Variants in FBLN1 observed in about 807,000 individuals in gnomAD.
The protein encoded by FBLN1 is fibulin 1.
A neutral mutation model predicts 89.7 loss-of-function variants in FBLN1; 34 were observed. The observed-to-expected ratio is 0.38, with a 90% CI of 0.29 to 0.50. FBLN1 has a LOEUF of 0.50. Ranked by LOEUF, FBLN1 falls within the 20% of genes least tolerant of loss-of-function variation. The pLI is 0.92. For synonymous variants in FBLN1, 393 were observed against 391.3 expected, an observed-to-expected ratio of 1.00 and a Z score of -0.05; for missense variants, 777 against 988.1, an observed-to-expected ratio of 0.79 and a Z score of 2.86.
intron 14 of FBLN1, chr22:45,558,064 C>G: frequency 1.4e-6 from 1 of 716,754 alleles, no homozygotes; most frequent in Non-Finnish European, 2.6e-6. Context: ...TTCTCTTCCT[C>G]TGTCAGATGA....
At position 45,547,212 on chromosome 22, in the gene FBLN1, C is replaced by T. The variant is rs534127321; in HGVS notation, c.1441+8C>T. On this transcript the variant is annotated splice_region_variant and intron_variant, in intron 12 of 16. Transcript: ENST00000327858. ...ATGGAGTCACCTGTGAAGGTGCGGACGCCCCTGCCTGCTGAGGGGGAAAGC... is the reference window on the plus strand; with the variant it reads ...ATGGAGTCACCTGTGAAGGTGCGGATGCCCCTGCCTGCTGAGGGGGAAAGC... 1.5e-5 allele frequency: 24 copies of T among 1,613,456 alleles called. No individual in the cohort carries two copies. The highest frequency in any genetic ancestry group is 7.7e-5 in the South Asian group (7 of 91,072).
At chr22:45,506,992 T>C (rs2088030507) in intron 1 of FBLN1, among the ~76,000 whole-genome samples, 1 of 152,222 alleles carries the variant, frequency 6.6e-6, no homozygotes, top group African/African-American at 2.4e-5. Context: ...CCCCATATGG[T>C]TCCAGTTTCC....
intron 16 of FBLN1, among the ~76,000 whole-genome samples, chr22:45,599,064 G>C (rs1361978234): frequency 2.0e-5 from 3 of 152,202 alleles, no homozygotes; most frequent in African/African-American, 7.2e-5. Flanking sequence ...GGGAGGACTT[G>C]TGGCACCCAC....
At position 45,574,693 on chromosome 22, in the gene FBLN1, G is replaced by A. The variant is rs758218944; in HGVS notation, c.1840+40G>A. On this transcript the variant is annotated intron_variant, in intron 15 of 16. Transcript: ENST00000327858. The surrounding 1 kb of genome is among the most constrained non-coding windows in gnomAD (Gnocchi z 4.1). ...TGTGGGGGTCCCAGGGCCCCCTAGG[G>A]CCTCCCTCGGCTTCAGCTGAGGGCT... is the stretch of plus-strand genomic sequence containing the variant. 3 of 1,594,226 alleles carry A rather than the reference G, an allele frequency of 1.9e-6. No individual in the cohort carries two copies. The highest frequency in any genetic ancestry group is 1.7e-6 in the Non-Finnish European group (2 of 1,169,060).
Position 45,532,865 on chromosome 22 carries a change from C to T in FBLN1, c.545-198C>T. 1 of 614,490 alleles carries T rather than the reference C, an allele frequency of 1.6e-6. No homozygotes were observed. The highest frequency in any genetic ancestry group is 2.9e-6 in the Non-Finnish European group (1 of 343,608). 38.1% of individuals were successfully genotyped at this position (614,490 alleles called of 1,614,324 possible). ...CAGACGGGGAGGTTGGGACCTGAAG[C>T]AGCAGCCCCTGGGGGGTGTCCAGAG... On this transcript the variant is annotated intron_variant, in intron 5 of 16. Coordinates refer to ENST00000327858, the MANE Select transcript of FBLN1 (RefSeq NM_006486.3). This position sits in a 1 kb window ranked among gnomAD's most constrained non-coding sequence, Gnocchi z 4.2.
chr22:45,543,377 A>G (rs1249970395), intron 10 of FBLN1, 24 bp from the exon 11 acceptor site: 2 of 1,610,308 alleles, frequency 1.2e-6, no homozygotes, highest in Non-Finnish European at 1.7e-6. Flanking sequence ...CATTGCCCTG[A>G]GTCAGCCCAC....
chr22:45,518,497 G>A (rs890005302), intron 1 of FBLN1, 185 bp from the exon 2 acceptor site: 4 of 650,252 alleles, frequency 6.2e-6, no homozygotes, highest in Non-Finnish European at 8.4e-6. Context: ...GGAGTGGGGT[G>A]TGGACTCGCA....
At chr22:45,528,051 G>A (rs892473234) in intron 4 of FBLN1, 42 bp downstream of exon 4, 2 of 1,604,024 alleles carry the variant, frequency 1.2e-6, no homozygotes, top group African/African-American at 2.7e-5. Flanking sequence ...GTGTATTAAG[G>A]TTCTCCGGGA....
intron 1 of FBLN1, among the ~76,000 whole-genome samples, chr22:45,516,938 T>C (rs1208487831): frequency 6.6e-6 from 1 of 152,228 alleles, no homozygotes; most frequent in Non-Finnish European, 1.5e-5. Context: ...AGCTCATTCG[T>C]GCACTGACCT....
chr22:45,518,442 A>G (rs1157269995), intron 1 of FBLN1: 2 of 579,762 alleles, frequency 3.4e-6, no homozygotes, highest in Admixed American at 2.5e-5. Flanking sequence ...AGCCCTGTCC[A>G]AGCTGGATTC....
At position 45,580,441 on chromosome 22, in the gene FBLN1, G is replaced by A. The variant is rs143685154; in HGVS notation, c.1972+3333G>A. 3.3e-5 allele frequency among the ~76,000 whole-genome samples: 5 copies of A among 152,314 alleles called. No individual in the cohort carries two copies. The highest frequency in any genetic ancestry group is 7.2e-5 in the African/African-American group (3 of 41,578). On this transcript the variant is annotated intron_variant, in intron 16 of 16. Transcript: ENST00000327858. This position sits in a 1 kb window ranked among gnomAD's most constrained non-coding sequence, Gnocchi z 8.6. ...GGGCTTCCTGGAGGAGGTGAGGCCC[G>A]AGCTGAGTGTCCTTGCATGTGAGGG...
At chr22:45,594,677 AG>A (rs1004784179) in intron 16 of FBLN1, among the ~76,000 whole-genome samples, 5 of 148,308 alleles carry the variant, frequency 3.4e-5, no homozygotes, top group Admixed American at 1.3e-4. Flanking sequence ...TGGGTAGGTG[AG>A]TGGATGGATT....
intron 2 of FBLN1, 55 bp downstream of exon 2, chr22:45,518,842 T>C: frequency 6.9e-7 from 1 of 1,448,016 alleles, no homozygotes; most frequent in East Asian, 2.4e-5. Flanking sequence ...TAGAGAAAAG[T>C]GGGGGAGGAA....
chr22:45,592,085 C>T (rs974592071), intron 16 of FBLN1, among the ~76,000 whole-genome samples: 1 of 152,280 alleles, frequency 6.6e-6, no homozygotes, highest in African/African-American at 2.4e-5. Flanking sequence ...CCCCGCTGGA[C>T]GGAAACCTGC....
At chr22:45,552,884 C>CT (rs134816) in intron 14 of FBLN1, among the ~76,000 whole-genome samples, 152,347 of 152,348 alleles carry the variant, frequency 1, 76,173 homozygotes, top group Non-Finnish European at 1. Flanking sequence ...GTCCCACAGC[C>CT]TTCATGGGGC....
chr22:45,599,829 A>G (rs981351959), intron 16 of FBLN1, among the ~76,000 whole-genome samples: 3 of 152,196 alleles, frequency 2.0e-5, no homozygotes, highest in African/African-American at 7.2e-5. Flanking sequence ...AGGCAGGAGA[A>G]TGGCTTGAAC....
intron 14 of FBLN1, among the ~76,000 whole-genome samples, chr22:45,559,508 C>T (rs1298989165): frequency 6.6e-6 from 1 of 152,204 alleles, no homozygotes; most frequent in African/African-American, 2.4e-5. Flanking sequence ...CCTCACCCTA[C>T]CAGTCAGGGA....
chr22:45,532,933 A>C lies in FBLN1; in HGVS notation c.545-130A>C. ...CCCAGTAGGGCAGCAGGTGGGCTCCAGCCAGGTCAGCCTGCCTTCCTGGGT... is the reference window on the plus strand; with the variant it reads ...CCCAGTAGGGCAGCAGGTGGGCTCCCGCCAGGTCAGCCTGCCTTCCTGGGT... On this transcript the variant is annotated intron_variant, in intron 5 of 16. Transcript: ENST00000327858. The surrounding 1 kb of genome is among the most constrained non-coding windows in gnomAD (Gnocchi z 4.2). The C allele has an allele frequency of 1.3e-6, 1 of 796,048 alleles. No homozygotes were observed. Among genetic ancestry groups the C allele is most frequent in the South Asian group, 1.5e-5 (1 of 65,676 alleles). 49.3% of individuals were successfully genotyped at this position (796,048 alleles called of 1,614,324 possible). A position where few individuals can be genotyped will look rare whatever the true frequency, so the allele number is the denominator to read the frequency against.
rs1339398130 is a variant in FBLN1 at position 45,590,360 on chromosome 22, C to T, written c.1973-9947C>T. On this transcript the variant is annotated intron_variant, in intron 16 of 16. Transcript: ENST00000327858. This position sits in a 1 kb window ranked among gnomAD's most constrained non-coding sequence, Gnocchi z 4.1. ...GAGTGAAGTTGGCAAGACTTGAACT[C>T]GTCCTGCCCTTCGTGGCCCCCTCAC... Among the ~76,000 whole-genome samples, 3 of 152,248 alleles carry T rather than the reference C, an allele frequency of 2.0e-5. No individual in the cohort carries two copies. The highest frequency in any genetic ancestry group is 1.9e-4 in the East Asian group (1 of 5,192).
Sources: gnomAD v4.1 joint callset for allele counts (sites outside exome capture counted in the v4.1 genomes callset) on GRCh38, gnomAD v4.1.1 for gene constraint, Gnocchi (gnomAD v3.1) non-coding constraint, MANE v1.5 for transcripts, NCBI Gene and HGNC (gene_info 2026-07-23, HGNC 2026-07-21) for gene names.